PRMT8: variants seen among roughly 807,000 people sequenced by gnomAD.
PRMT8 encodes protein arginine N-methyltransferase 8.
In PRMT8, 7 loss-of-function variants were observed where a neutral mutation model predicts 47.1. The ratio of observed to expected loss-of-function variants is 0.15; its 90% CI spans 0.08 to 0.28. The LOEUF (loss-of-function observed/expected upper bound fraction) is 0.28. Among genes scored for constraint, PRMT8 ranks in the 10% least tolerant of loss-of-function variants. The pLI is 1.00. For synonymous variants in PRMT8, 188 were observed against 186.5 expected, an observed-to-expected ratio of 1.01 and a Z score of -0.07; for missense variants, 237 against 505.4, an observed-to-expected ratio of 0.47 and a Z score of 5.09.
chr12:3,400,925 T>C (rs1035586416), intron 1 of PRMT8, among the ~76,000 whole-genome samples: 1 of 152,008 alleles, frequency 6.6e-6, no homozygotes, highest in Non-Finnish European at 1.5e-5. Context: ...GGTGGGTAGA[T>C]CACCTGAGGT....
At position 3,538,376 on chromosome 12, in the gene PRMT8, C is replaced by G; in HGVS notation, c.76-2230C>G. 1 of 301,778 alleles carries G rather than the reference C, an allele frequency of 3.3e-6. No homozygotes were observed. The highest frequency in any genetic ancestry group is 6.6e-6 in the Non-Finnish European group (1 of 151,408). The allele number at this position is 301,778 out of a possible 1,614,324, so 18.7% of individuals were successfully genotyped here. A position where few individuals can be genotyped will look rare whatever the true frequency, so the allele number is the denominator to read the frequency against. On this transcript the variant is annotated intron_variant, in intron 1 of 9. Coordinates refer to ENST00000382622, the MANE Select transcript of PRMT8 (RefSeq NM_019854.5). This position sits in a 1 kb window ranked among gnomAD's most constrained non-coding sequence, Gnocchi z 4.6. Reference sequence around the variant, plus strand: ...GTCTATTTCTTCCACAGGACCTGCACGCTGCCTTGCTGTTGGAGATCTGTG... The same window carrying G: ...GTCTATTTCTTCCACAGGACCTGCAGGCTGCCTTGCTGTTGGAGATCTGTG...
intron 4 of PRMT8, 111 bp downstream of exon 4, chr12:3,553,825 T>A (rs1866472134): frequency 9.7e-7 from 1 of 1,030,990 alleles, no homozygotes; most frequent in South Asian, 1.3e-5. Context: ...CTTGGGGAGG[T>A]GGTGCACCCA....
intron 8 of PRMT8, among the ~76,000 whole-genome samples, chr12:3,588,013 G>GC (rs1867218591): frequency 6.6e-6 from 1 of 152,194 alleles, no homozygotes. Flanking sequence ...GGGAACTGGG[G>GC]CCCCTGGGGC....
intron 1 of PRMT8, among the ~76,000 whole-genome samples, chr12:3,519,639 T>C (rs75979692): frequency 0.062 from 9,415 of 152,240 alleles, 439 homozygotes; most frequent in Non-Finnish European, 0.09. Flanking sequence ...AAGGTTTTGT[T>C]GTTTTACTGA....
intron 1 of PRMT8, among the ~76,000 whole-genome samples, chr12:3,455,200 T>A (rs144617854): frequency 1.3e-5 from 2 of 152,284 alleles, no homozygotes; most frequent in East Asian, 3.9e-4. Flanking sequence ...TGGGCATAAC[T>A]GGTCTGTTAC....
chr12:3,491,396 A>C lies in PRMT8; in HGVS notation c.-230A>C. On this transcript the variant is annotated 5_prime_UTR_variant, in exon 1 of 10. Transcript: ENST00000382622. ...GGAGGGGGTCGGGGGCACGAGAAGA[A>C]CTTGAAACCGTGTGAAGGAATCCGG... 7.9e-7 allele frequency: 1 copy of C among 1,262,154 alleles called. No homozygotes were observed. The highest frequency in any genetic ancestry group is 3.3e-5 in the East Asian group (1 of 30,612). The allele number at this position is 1,262,154 out of a possible 1,614,324, so 78.2% of individuals were successfully genotyped here.
chr12:3,559,253 C>G (rs369978207), intron 4 of PRMT8, among the ~76,000 whole-genome samples: 49 of 152,264 alleles, frequency 3.2e-4, no homozygotes, highest in African/African-American at 9.6e-4. Flanking sequence ...TTTTCCCGAG[C>G]CTTCTTACTT....
chr12:3,443,684 ACAT>A (rs1319388507), intron 1 of PRMT8, among the ~76,000 whole-genome samples: 2 of 152,184 alleles, frequency 1.3e-5, no homozygotes, highest in African/African-American at 2.4e-5. Flanking sequence ...TAAATCGATC[ACAT>A]CATCCTCCTG....
At chr12:3,400,004 A>G (rs772033796) in intron 1 of PRMT8, among the ~76,000 whole-genome samples, 1 of 152,042 alleles carries the variant, frequency 6.6e-6, no homozygotes, top group Non-Finnish European at 1.5e-5. Context: ...CTTTTGACCT[A>G]AGAATCCAAC....
intron 1 of PRMT8, among the ~76,000 whole-genome samples, chr12:3,483,206 G>T (rs747307203): frequency 2.0e-5 from 3 of 152,174 alleles, no homozygotes; most frequent in Non-Finnish European, 2.9e-5. Context: ...TGGGTACTTG[G>T]CCTGTGGTCA....
chr12:3,412,252 T>C (rs945295247), intron 1 of PRMT8, among the ~76,000 whole-genome samples: 4 of 152,332 alleles, frequency 2.6e-5, no homozygotes, highest in Admixed American at 2.6e-4. Context: ...AGTGAAAATA[T>C]GGTATAAAAA....
intron 1 of PRMT8, among the ~76,000 whole-genome samples, chr12:3,477,286 G>A (rs910961958): frequency 6.6e-6 from 1 of 152,244 alleles, no homozygotes; most frequent in Non-Finnish European, 1.5e-5. Context: ...CACTTAACGA[G>A]TGTGTAGGCA....
chr12:3,453,679 G>A lies in PRMT8; in HGVS notation c.48+72237G>A, dbSNP rs1459859029. Among the ~76,000 whole-genome samples, 1 of 152,172 alleles carries A rather than the reference G, an allele frequency of 6.6e-6. No homozygotes were observed. Among genetic ancestry groups the A allele is most frequent in the Admixed American group, 6.5e-5 (1 of 15,282 alleles). On this transcript the variant is annotated intron_variant, in intron 1 of 9. Transcript: ENST00000452611. This position sits in a 1 kb window ranked among gnomAD's most constrained non-coding sequence, Gnocchi z 4.9. ...GCCCTTCACAGCCAGGGCAAATGCT[G>A]GGGCGCAGCCATGCTGGCTGTCTCC...
intron 6 of PRMT8, among the ~76,000 whole-genome samples, chr12:3,573,478 G>C (rs1866887085): frequency 6.6e-6 from 1 of 151,972 alleles, no homozygotes; most frequent in Non-Finnish European, 1.5e-5. Context: ...CTCTAAATTT[G>C]GTTCTATGAC....
chr12:3,494,194 C>G (rs191791044), intron 1 of PRMT8, among the ~76,000 whole-genome samples: 2 of 152,206 alleles, frequency 1.3e-5, no homozygotes, highest in Admixed American at 1.3e-4. Flanking sequence ...CGGCTCTGTA[C>G]CAGGAAAGCT....
intron 7 of PRMT8, among the ~76,000 whole-genome samples, chr12:3,581,588 G>A (rs1044264613): frequency 6.6e-6 from 1 of 152,178 alleles, no homozygotes; most frequent in Non-Finnish European, 1.5e-5. Context: ...AATTCTGCAT[G>A]CTTGACCAAG....
intron 1 of PRMT8, among the ~76,000 whole-genome samples, chr12:3,530,281 C>T (rs908984619): frequency 1.3e-5 from 2 of 152,196 alleles, no homozygotes; most frequent in Non-Finnish European, 2.9e-5. Flanking sequence ...TGAAGGGCAA[C>T]ATTCACCCAG....
chr12:3,458,024 G>A (rs1864995370), intron 1 of PRMT8, among the ~76,000 whole-genome samples: 1 of 151,920 alleles, frequency 6.6e-6, no homozygotes, highest in African/African-American at 2.4e-5. Flanking sequence ...TGTATTTTTA[G>A]TAGAGACGGG....
intron 1 of PRMT8, among the ~76,000 whole-genome samples, chr12:3,447,753 C>T (rs1386174505): frequency 6.6e-6 from 1 of 152,176 alleles, no homozygotes; most frequent in East Asian, 1.9e-4. Context: ...TCCTTGTAGC[C>T]ATCACAAACC....
Sources: allele counts gnomAD v4.1 joint callset (sites outside exome capture counted in the v4.1 genomes callset), GRCh38; gene constraint gnomAD v4.1.1; non-coding constraint Gnocchi (gnomAD v3.1); transcripts MANE v1.5; gene names NCBI Gene and HGNC (gene_info 2026-07-23, HGNC 2026-07-21).